Variants in ITGA11 observed in about 807,000 individuals in gnomAD.
The protein encoded by ITGA11 is integrin alpha-11.
ITGA11 carries 97 observed loss-of-function variants against 141.9 expected under a neutral mutation model. The ratio of observed to expected loss-of-function variants is 0.68; its 90% CI spans 0.58 to 0.81. The LOEUF is 0.81. ITGA11 is among the 30% of genes least tolerant of loss of function. ITGA11 has a pLI of 0.00. For missense variants in ITGA11, 1,387 were observed against 1,559.2 expected (o/e 0.89, Z 1.86); for synonymous variants, 658 against 624.6 (o/e 1.05, Z -0.80).
At position 68,310,775 on chromosome 15, in the gene ITGA11, T is replaced by A. The variant is rs149922040; in HGVS notation, c.3174+219A>T. On this transcript the variant is annotated intron_variant, in intron 26 of 29. Transcript: ENST00000315757. ...TGACCTTGGCTTCTCAGACACTCAC[T>A]CTGTGTGTTTGTCCCACTCCCTGTG... Among the ~76,000 whole-genome samples the A allele has an allele frequency of 8.4e-3, 1,281 of 152,314 alleles. 19 individuals are homozygous for A. Among genetic ancestry groups the A allele is most frequent in the Admixed American group, 0.017 (267 of 15,304 alleles).
chr15:68,358,913 T>C (rs1315483818), intron 5 of ITGA11, among the ~76,000 whole-genome samples: 1 of 152,228 alleles, frequency 6.6e-6, no homozygotes, highest in Non-Finnish European at 1.5e-5. Context: ...CTTGGTATTG[T>C]TTGTTTTGCT....
At chr15:68,350,523 C>A (rs1894871863) in intron 9 of ITGA11, 94 bp downstream of exon 9, 2 of 1,226,284 alleles carry the variant, frequency 1.6e-6, no homozygotes, top group Admixed American at 2.3e-5. Context: ...TCTTGTTAAG[C>A]CATTTCGTTT....
In ITGA11 at chr15:68,418,651, C is replaced by T. The variant is rs112999629; in HGVS notation, c.52+13364G>A. On this transcript the variant is annotated intron_variant, in intron 1 of 29. Transcript: ENST00000315757. ...ATTGTAGTTGATGTAAATCATGTAGCGCACAGCCGGTACAGCTGTACGTGG... is the reference window on the plus strand; with the variant it reads ...ATTGTAGTTGATGTAAATCATGTAGTGCACAGCCGGTACAGCTGTACGTGG... 9.6e-4 allele frequency among the ~76,000 whole-genome samples: 130 copies of T among 135,590 alleles called. 1 individual carries two copies. Among genetic ancestry groups the T allele is most frequent in the African/African-American group, 3.3e-3 (119 of 36,408 alleles). The allele number at this position is 135,590 out of a possible 152,430, so 89.0% of individuals were successfully genotyped here. A position where few individuals can be genotyped will look rare whatever the true frequency, so the allele number is the denominator to read the frequency against.
In ITGA11 at chr15:68,324,344, CT is replaced by C. The variant is rs1228488200; in HGVS notation, c.2322+786del. On this transcript the variant is annotated intron_variant, in intron 18 of 29. Coordinates refer to ENST00000315757, the MANE Select transcript of ITGA11 (RefSeq NM_001004439.2). This position sits in a 1 kb window ranked among gnomAD's most constrained non-coding sequence, Gnocchi z 6.3. ...TCTGAAACTGCTTCCTGGCTGGACT[CT>C]GTCACTCACACAGACGTTGCTCAGA... Among the ~76,000 whole-genome samples, 2 of 152,200 alleles carry C rather than the reference CT, an allele frequency of 1.3e-5. No individual in the cohort carries two copies. The highest frequency in any genetic ancestry group is 4.8e-5 in the African/African-American group (2 of 41,442).
chr15:68,379,523 G>A (rs1237677450), intron 2 of ITGA11, among the ~76,000 whole-genome samples: 1 of 152,204 alleles, frequency 6.6e-6, no homozygotes, highest in Non-Finnish European at 1.5e-5. Flanking sequence ...GCAAAGACAA[G>A]CTGCATCTTC....
At chr15:68,312,068 G>A (rs1199280919) in intron 24 of ITGA11, among the ~76,000 whole-genome samples, 2 of 152,232 alleles carry the variant, frequency 1.3e-5, no homozygotes, top group African/African-American at 2.4e-5. Flanking sequence ...CACAGCCTAA[G>A]AGAAGCTGAT....
intron 28 of ITGA11, among the ~76,000 whole-genome samples, chr15:68,306,136 G>A (rs1179609172): frequency 2.7e-5 from 4 of 150,728 alleles, no homozygotes; most frequent in Admixed American, 6.6e-5. Context: ...CTGGCAGTGA[G>A]CCGAGATCCT....
chr15:68,377,774 T>C lies in ITGA11; in HGVS notation c.165-8490A>G, dbSNP rs923675633. Among the ~76,000 whole-genome samples, 23 of 152,260 alleles carry C rather than the reference T, an allele frequency of 1.5e-4. 1 individual carries two copies. Among genetic ancestry groups the C allele is most frequent in the Admixed American group, 6.5e-5 (1 of 15,292 alleles). ...ATATTTCTGTGTTAATATCTATCAA[T>C]GCCCCCGTTGGACTGTGTGACTAGG... is the stretch of plus-strand genomic sequence containing the variant. On this transcript the variant is annotated intron_variant, in intron 2 of 29. Transcript: ENST00000315757.
chr15:68,370,315 G>A (rs113093337), intron 2 of ITGA11, among the ~76,000 whole-genome samples: 31,637 of 152,162 alleles, frequency 0.21, 3,666 homozygotes, highest in African/African-American at 0.29. Flanking sequence ...CCCGGTGGCC[G>A]TGCCCTGGAG....
At chr15:68,426,137 C>T (rs1595902737) in intron 1 of ITGA11, among the ~76,000 whole-genome samples, 1 of 152,220 alleles carries the variant, frequency 6.6e-6, no homozygotes, top group Admixed American at 6.5e-5. Flanking sequence ...ATTTCATCTG[C>T]TGGCTGGCCC....
At chr15:68,384,428 T>A (rs1895934865) in intron 2 of ITGA11, among the ~76,000 whole-genome samples, 1 of 152,096 alleles carries the variant, frequency 6.6e-6, no homozygotes, top group African/African-American at 2.4e-5. Context: ...CTCTCCTTGG[T>A]CATTCTCACT....
At position 68,311,326 on chromosome 15, in the gene ITGA11, G is replaced by A; in HGVS notation, c.3051C>T (p.Asn1017=). 6.3e-7 allele frequency: 1 copy of A among 1,578,104 alleles called. No individual in the cohort carries two copies. The highest frequency in any genetic ancestry group is 8.6e-7 in the Non-Finnish European group (1 of 1,160,842). Residue 1017 remains asparagine, a synonymous_variant, in exon 25 of 30, where the codon AAC becomes AAT. Coordinates refer to ENST00000315757, the MANE Select transcript of ITGA11 (RefSeq NM_001004439.2). ...GGAAGTCCCTCAGCTTCAGTAGGCG[G>A]TTGCCGCTCCTGGTGGCGATGGGAA... ...ITIPIATRSG[N]RLLKLRDFLT... is the part of the protein sequence containing the mutation.
chr15:68,385,997 C>T (rs1895976457), intron 2 of ITGA11, among the ~76,000 whole-genome samples: 1 of 152,192 alleles, frequency 6.6e-6, no homozygotes, highest in Non-Finnish European at 1.5e-5. Flanking sequence ...CATTCTGTCC[C>T]TCCCCAGCCC....
At chr15:68,407,388 A>G (rs1394342068) in intron 1 of ITGA11, among the ~76,000 whole-genome samples, 1 of 152,196 alleles carries the variant, frequency 6.6e-6, no homozygotes, top group African/African-American at 2.4e-5. Context: ...CCAACCAGAG[A>G]GTGGATTTCC....
At chr15:68,419,022 T>TA (rs1237741886) in intron 1 of ITGA11, among the ~76,000 whole-genome samples, 8 of 151,876 alleles carry the variant, frequency 5.3e-5, no homozygotes, top group Admixed American at 4.6e-4. Flanking sequence ...GAATGCAAAC[T>TA]AAAAAAAGGA....
intron 1 of ITGA11, among the ~76,000 whole-genome samples, chr15:68,426,253 T>C (rs1444243464): frequency 2.6e-5 from 4 of 152,224 alleles, no homozygotes; most frequent in East Asian, 3.8e-4. Context: ...TCATCACTTA[T>C]TAGTGCGGTT....
intron 1 of ITGA11, among the ~76,000 whole-genome samples, chr15:68,409,902 C>A (rs951683730): frequency 6.6e-6 from 1 of 152,222 alleles, no homozygotes; most frequent in Non-Finnish European, 1.5e-5. Flanking sequence ...AGCCCATCAC[C>A]ATCAAGTCTT....
At chr15:68,336,483 G>C (rs1894363031) in intron 11 of ITGA11, among the ~76,000 whole-genome samples, 1 of 152,110 alleles carries the variant, frequency 6.6e-6, no homozygotes, top group South Asian at 2.1e-4. Flanking sequence ...GAAAGAAAAG[G>C]AACCCCAGGG....
chr15:68,377,551 C>T (rs914530836), intron 2 of ITGA11, among the ~76,000 whole-genome samples: 5 of 152,178 alleles, frequency 3.3e-5, no homozygotes, highest in African/African-American at 9.7e-5. Flanking sequence ...GGATTACAGG[C>T]GTGAGCCACT....
Sources: allele counts gnomAD v4.1 joint callset (sites outside exome capture counted in the v4.1 genomes callset), GRCh38; gene constraint gnomAD v4.1.1; non-coding constraint Gnocchi (gnomAD v3.1); transcripts MANE v1.5; gene names NCBI Gene and HGNC (gene_info 2026-07-23, HGNC 2026-07-21).